Variants in CSMD1 observed in about 807,000 individuals in gnomAD.
CSMD1 encodes the protein CUB and Sushi multiple domains 1, also known as CUB and sushi domain-containing protein 1.
In CSMD1, 213 loss-of-function variants were observed where a neutral mutation model predicts 417.5. The ratio of observed to expected loss-of-function variants is 0.51; its 90% CI spans 0.46 to 0.57. CSMD1 has a LOEUF of 0.57. CSMD1 is among the 20% of genes least tolerant of loss of function. The pLI, the probability that CSMD1 is intolerant of heterozygous loss-of-function variation, is 0.00. For synonymous variants in CSMD1, 2,862 were observed against 1,736.8 expected, an observed-to-expected ratio of 1.65 and a Z score of -16.11; for missense variants, 6,923 against 4,529.7, an observed-to-expected ratio of 1.53 and a Z score of -15.17.
chr8:3,784,875 T>A (rs1276629064), intron 5 of CSMD1, among the ~76,000 whole-genome samples: 1 of 152,214 alleles, frequency 6.6e-6, no homozygotes, highest in African/African-American at 2.4e-5. Context: ...GATGTTAACA[T>A]TTGCTTAAAA....
At chr8:3,975,330 G>A (rs1050759219) in intron 5 of CSMD1, among the ~76,000 whole-genome samples, 5 of 152,134 alleles carry the variant, frequency 3.3e-5, no homozygotes, top group African/African-American at 4.8e-5. Flanking sequence ...CAGTTTGGAT[G>A]TTTGTGGACA....
intron 52 of CSMD1, among the ~76,000 whole-genome samples, chr8:3,007,116 C>T (rs1167613464): frequency 3.4e-5 from 5 of 148,644 alleles, no homozygotes; most frequent in Admixed American, 6.6e-5. Context: ...GGGCAAAGGA[C>T]ATGAACAGAC....
intron 3 of CSMD1, among the ~76,000 whole-genome samples, chr8:4,143,537 C>A (rs1193035138): frequency 6.6e-6 from 1 of 150,878 alleles, no homozygotes; most frequent in South Asian, 2.1e-4. Context: ...TATATCAAAT[C>A]TATATTGTAT....
Position 3,359,292 on chromosome 8 carries a change from C to CGGCT in CSMD1, c.3160_3163dup (p.Arg1055GlnfsTer59). On this transcript the variant is annotated frameshift_variant, in exon 21 of 70. Coordinates refer to ENST00000635120, the MANE Select transcript of CSMD1 (RefSeq NM_033225.6). LOFTEE classifies it high-confidence loss of function. ...CACACCAAAGTGAAAACCAATTCTT[C>CGGCT]GGCTGAAGGCAGGGACTCCAGGATC... The CGGCT allele has an allele frequency of 6.2e-7, 1 of 1,613,790 alleles. No individual in the cohort carries two copies.
At chr8:3,614,232 A>T (rs1025826593) in intron 8 of CSMD1, among the ~76,000 whole-genome samples, 1 of 152,168 alleles carries the variant, frequency 6.6e-6, no homozygotes, top group African/African-American at 2.4e-5. Context: ...GATTTCCCAA[A>T]AAACTAGGAA....
At chr8:2,963,464 C>G in intron 59 of CSMD1, 69 bp from the exon 60 acceptor site, 2 of 1,492,368 alleles carry the variant, frequency 1.3e-6, no homozygotes, top group South Asian at 2.4e-5. Context: ...TCAAACGATT[C>G]CCATTTTAAT....
Position 3,230,745 on chromosome 8 carries a change from G to A in CSMD1, c.4154-514C>T, listed in dbSNP as rs542326257. ...AGTGAGTTATACCCAGGATCCCATA[G>A]GTGACATTGCCACGGCAAAATTATT... On this transcript the variant is annotated intron_variant, in intron 26 of 69. Coordinates refer to ENST00000635120, the MANE Select transcript of CSMD1 (RefSeq NM_033225.6). 7.9e-5 allele frequency among the ~76,000 whole-genome samples: 12 copies of A among 152,244 alleles called. No homozygotes were observed. In the South Asian group the frequency reaches 2.1e-3, roughly 26 times the overall value.
In CSMD1 at chr8:4,253,874, C is replaced by A. The variant is rs943344593; in HGVS notation, c.415+166079G>T. Among the ~76,000 whole-genome samples the A allele has an allele frequency of 2.2e-4, 32 of 144,780 alleles. 1 individual carries two copies. The highest frequency in any genetic ancestry group is 6.0e-5 in the Non-Finnish European group (4 of 66,154). 95.0% of individuals were successfully genotyped at this position (144,780 alleles called of 152,430 possible). On this transcript the variant is annotated intron_variant, in intron 3 of 69. Coordinates refer to ENST00000635120, the MANE Select transcript of CSMD1 (RefSeq NM_033225.6). ...ATACATTTCCTGCTGGTCTTATCTA[C>A]AAAGAGACACTACGTTCGTTATTTC...
intron 3 of CSMD1, among the ~76,000 whole-genome samples, chr8:4,045,344 T>C (rs1293270426): frequency 1.3e-5 from 2 of 152,166 alleles, no homozygotes; most frequent in South Asian, 2.1e-4. Context: ...TTGTGTATGA[T>C]ATGAGCAGAC....
intron 1 of CSMD1, among the ~76,000 whole-genome samples, chr8:4,790,613 G>A (rs560807863): frequency 2.2e-4 from 34 of 152,228 alleles, no homozygotes; most frequent in Non-Finnish European, 3.4e-4. Context: ...AAAACAGCAC[G>A]GTACTGGTAC....
intron 3 of CSMD1, among the ~76,000 whole-genome samples, chr8:4,081,816 G>C (rs575929839): frequency 6.6e-6 from 1 of 151,176 alleles, no homozygotes; most frequent in East Asian, 2.0e-4. Context: ...CAAATAAATT[G>C]TTACAAATAA....
At chr8:4,223,619 T>C (rs901461654) in intron 3 of CSMD1, among the ~76,000 whole-genome samples, 4 of 152,228 alleles carry the variant, frequency 2.6e-5, no homozygotes, top group Non-Finnish European at 4.4e-5. Flanking sequence ...TGGGAAAGAA[T>C]AGATTAGCAG....
At chr8:2,945,988 G>A (rs1449295355) in intron 68 of CSMD1, among the ~76,000 whole-genome samples, 5 of 152,186 alleles carry the variant, frequency 3.3e-5, no homozygotes. Flanking sequence ...TCTGAGAAAT[G>A]CTTCGTGAGG....
At chr8:3,176,340 CTGAA>C (rs138700091) in intron 37 of CSMD1, among the ~76,000 whole-genome samples, 3,845 of 152,172 alleles carry the variant, frequency 0.025, 165 homozygotes, top group African/African-American at 0.088. Flanking sequence ...GTGAACATCT[CTGAA>C]TGTTTTCACA....
At chr8:4,779,809 T>G (rs1351682784) in intron 1 of CSMD1, among the ~76,000 whole-genome samples, 2 of 152,182 alleles carry the variant, frequency 1.3e-5, no homozygotes, top group East Asian at 1.9e-4. Context: ...AGGGGATTCC[T>G]GGGCCTGGAA....
At chr8:3,587,560 T>C (rs1368371030) in intron 8 of CSMD1, among the ~76,000 whole-genome samples, 1 of 152,110 alleles carries the variant, frequency 6.6e-6, no homozygotes, top group Non-Finnish European at 1.5e-5. Context: ...TCCATATCTA[T>C]AATATCAGAG....
At chr8:4,334,050 C>T (rs546159092) in intron 3 of CSMD1, among the ~76,000 whole-genome samples, 33 of 151,894 alleles carry the variant, frequency 2.2e-4, no homozygotes, top group African/African-American at 5.1e-4. Context: ...ACCACAACAT[C>T]GTTTCATTAA....
intron 5 of CSMD1, among the ~76,000 whole-genome samples, chr8:3,961,788 C>G (rs575850264): frequency 7.2e-5 from 11 of 152,134 alleles, no homozygotes; most frequent in Non-Finnish European, 1.3e-4. Flanking sequence ...TAATGGTGCA[C>G]TGGGTTTTTA....
chr8:3,500,782 T>A (rs1016486796), intron 10 of CSMD1, among the ~76,000 whole-genome samples: 1 of 151,856 alleles, frequency 6.6e-6, no homozygotes, highest in African/African-American at 2.4e-5. Flanking sequence ...AACAGCAGAG[T>A]TGTAGGCATG....
Sources: gnomAD v4.1 joint callset for allele counts (sites outside exome capture counted in the v4.1 genomes callset) on GRCh38, gnomAD v4.1.1 for gene constraint, MANE v1.5 for transcripts, NCBI Gene and HGNC (gene_info 2026-07-23, HGNC 2026-07-21) for gene names.